REDIC1: variants seen among roughly 807,000 people sequenced by gnomAD.
The protein encoded by REDIC1 is regulator of DNA class I crossover intermediates 1.
the REDIC1 span, among the ~76,000 whole-genome samples, chr12:39,715,939 G>T: frequency 6.6e-6 from 1 of 151,964 alleles, no homozygotes; most frequent in African/African-American, 2.4e-5. Context: ...TGCTTTTCGG[G>T]GGTATAAATT....
At chr12:39,679,613 AT>A in the REDIC1 span, among the ~76,000 whole-genome samples, 1 of 152,146 alleles carries the variant, frequency 6.6e-6, no homozygotes, top group African/African-American at 2.4e-5. Context: ...CAAAATACCA[AT>A]ATCATTCTTC....
At chr12:39,871,910 A>C in the REDIC1 span, 2 of 1,610,914 alleles carry the variant, frequency 1.2e-6, no homozygotes, top group Admixed American at 3.4e-5. Flanking sequence ...GCCATATTGC[A>C]AGTCTATCAT....
the REDIC1 span, among the ~76,000 whole-genome samples, chr12:39,876,547 C>T: frequency 1.3e-5 from 2 of 151,926 alleles, no homozygotes. Context: ...TTAAAAAACA[C>T]CTGATAGACT....
At chr12:39,907,816 T>G in the REDIC1 span, 2 of 152,164 alleles carry the variant, frequency 1.3e-5, no homozygotes, top group African/African-American at 4.8e-5. Context: ...TGCCTGATTC[T>G]CCACTTTCTC....
the REDIC1 span, among the ~76,000 whole-genome samples, chr12:39,839,604 G>A: frequency 6.6e-6 from 1 of 151,898 alleles, no homozygotes; most frequent in African/African-American, 2.4e-5. Context: ...CATCCCTTGT[G>A]CTGCTTGACA....
chr12:39,881,533 A>G, the REDIC1 span, among the ~76,000 whole-genome samples: 1 of 152,150 alleles, frequency 6.6e-6, no homozygotes, highest in East Asian at 1.9e-4. Flanking sequence ...CAGCAACAAG[A>G]AGGAGTCTAA....
chr12:39,850,999 A>G, the REDIC1 span, among the ~76,000 whole-genome samples: 1 of 151,768 alleles, frequency 6.6e-6, no homozygotes, highest in Non-Finnish European at 1.5e-5. Context: ...TCCTGGGTTC[A>G]AGCAATTCTC....
the REDIC1 span, among the ~76,000 whole-genome samples, chr12:39,894,151 C>CA: frequency 1.3e-5 from 2 of 152,112 alleles, no homozygotes; most frequent in South Asian, 4.1e-4. Flanking sequence ...TAGGGCTTTG[C>CA]AAAAAGTAAC....
the REDIC1 span, among the ~76,000 whole-genome samples, chr12:39,699,812 G>C: frequency 6.6e-6 from 1 of 152,182 alleles, no homozygotes; most frequent in Non-Finnish European, 1.5e-5. Context: ...CTAACTGGGA[G>C]GCACCCCCAA....
At chr12:39,892,480 G>A in the REDIC1 span, among the ~76,000 whole-genome samples, 1 of 152,168 alleles carries the variant, frequency 6.6e-6, no homozygotes, top group East Asian at 1.9e-4. Flanking sequence ...CTTGATCTGT[G>A]CAACTACTGA....
the REDIC1 span, among the ~76,000 whole-genome samples, chr12:39,668,331 AGTTTGGCTGGATAT>A: frequency 1.3e-5 from 2 of 151,984 alleles, no homozygotes; most frequent in Non-Finnish European, 2.9e-5. Context: ...TATGAAGCTT[AGTTTGGCTGGATAT>A]GAAATTCTGG....
At chr12:39,798,306 T>A in the REDIC1 span, among the ~76,000 whole-genome samples, 1 of 152,202 alleles carries the variant, frequency 6.6e-6, no homozygotes, top group East Asian at 1.9e-4. Flanking sequence ...TCTCCTGGAT[T>A]TGTGACCCAG....
the REDIC1 span, among the ~76,000 whole-genome samples, chr12:39,898,848 A>G: frequency 5.9e-5 from 9 of 152,194 alleles, no homozygotes; most frequent in African/African-American, 2.2e-4. Context: ...ATGTTTAAAT[A>G]GGATATTTAG....
At chr12:39,710,618 G>C in the REDIC1 span, among the ~76,000 whole-genome samples, 5 of 151,676 alleles carry the variant, frequency 3.3e-5, no homozygotes, top group Admixed American at 2.0e-4. Context: ...TCTGAAAATT[G>C]TTGGTTTATT....
At chr12:39,636,406 T>C in the REDIC1 span, among the ~76,000 whole-genome samples, 20 of 152,116 alleles carry the variant, frequency 1.3e-4, no homozygotes, top group Non-Finnish European at 2.6e-4. Flanking sequence ...TTCTAACATA[T>C]ATCATTACTA....
the REDIC1 span, among the ~76,000 whole-genome samples, chr12:39,730,771 G>A: frequency 1.2e-4 from 19 of 152,196 alleles, no homozygotes; most frequent in African/African-American, 3.1e-4. Flanking sequence ...CATTCTCCCC[G>A]TCACCTTCAG....
chr12:39,713,227 T>TATACGTGTATATATGGGTATACACAC, the REDIC1 span, among the ~76,000 whole-genome samples: 1 of 134,258 alleles, frequency 7.4e-6, no homozygotes, highest in African/African-American at 3.0e-5. Context: ...ATATTACACA[T>TATACGTGTATATATGGGTATACACAC]ATACGTGTAT....
chr12:39,895,551 TAC>T, the REDIC1 span, among the ~76,000 whole-genome samples: 59 of 66,758 alleles, frequency 8.8e-4, no homozygotes, highest in Non-Finnish European at 1.3e-3. Context: ...TATATATATA[TAC>T]ACACACACAC....
the REDIC1 span, among the ~76,000 whole-genome samples, chr12:39,649,536 AT>A: frequency 0.061 from 8,445 of 138,776 alleles, 403 homozygotes; most frequent in East Asian, 0.26. Context: ...ACTTTAGTCT[AT>A]TTTTTTTCCC....
Sources: gnomAD v4.1 joint callset for allele counts (sites outside exome capture counted in the v4.1 genomes callset) on GRCh38, gnomAD v4.1.1 for gene constraint, MANE v1.5 for transcripts, NCBI Gene and HGNC (gene_info 2026-07-23, HGNC 2026-07-21) for gene names.